SQOR: variants seen among roughly 807,000 people sequenced by gnomAD.
The protein encoded by SQOR is sulfide:quinone oxidoreductase, mitochondrial.
SQOR carries 39 observed loss-of-function variants against 48.6 expected under a neutral mutation model. The ratio of observed to expected loss-of-function variants is 0.80; its 90% confidence interval spans 0.62 to 1.05. SQOR has a LOEUF of 1.05. Among genes scored for constraint, SQOR ranks in the 50% least tolerant of loss-of-function variants. The pLI is 0.00. For missense variants in SQOR, 561 were observed against 559.9 expected, an observed-to-expected ratio of 1.00 and a Z score of -0.02; for synonymous variants, 220 against 206.2, an observed-to-expected ratio of 1.07 and a Z score of -0.57.
intron 1 of SQOR, among the ~76,000 whole-genome samples, chr15:45,643,775 CCTT>C (rs752694427): frequency 2.4e-4 from 36 of 152,182 alleles, no homozygotes; most frequent in Non-Finnish European, 4.4e-4. Flanking sequence ...TTGTTTCTCA[CCTT>C]CTTTTCTGAG....
intron 1 of SQOR, among the ~76,000 whole-genome samples, chr15:45,641,369 G>C (rs1400292623): frequency 6.6e-6 from 1 of 152,166 alleles, no homozygotes; most frequent in South Asian, 2.1e-4. Flanking sequence ...TTTTGCCCCT[G>C]AAGAGTGAGG....
At chr15:45,683,548 A>G (rs1249680499) in intron 7 of SQOR, among the ~76,000 whole-genome samples, 2 of 152,238 alleles carry the variant, frequency 1.3e-5, no homozygotes, top group Admixed American at 6.5e-5. Flanking sequence ...TCTGGATGCT[A>G]TAAAACACAA....
rs182682752 is a variant in SQOR, at chr15:45,658,910, G to C, written c.-14G>C. On this transcript the variant is annotated 5_prime_UTR_variant, in exon 2 of 10. Transcript: ENST00000260324. ...AGCCCTGTCTCTTCCCTTCCAGCCT[G>C]ATCCTGCCTGAAGATGGTGCCACTG... The C allele has an allele frequency of 3.7e-4, 560 of 1,531,864 alleles. 3 individuals are homozygous for C. The African/African-American group carries it at 6.9e-3, about 19-fold the overall frequency. 94.9% of individuals were successfully genotyped at this position (1,531,864 alleles called of 1,614,324 possible).
At chr15:45,677,583 G>A (rs905130299) in intron 6 of SQOR, among the ~76,000 whole-genome samples, 2 of 152,166 alleles carry the variant, frequency 1.3e-5, no homozygotes, top group African/African-American at 2.4e-5. Context: ...CTTCTATGAC[G>A]TTGATATTTT....
chr15:45,670,704 G>A (rs1376461970), intron 4 of SQOR, among the ~76,000 whole-genome samples: 1 of 152,178 alleles, frequency 6.6e-6, no homozygotes, highest in East Asian at 1.9e-4. Flanking sequence ...CAACAGAGTT[G>A]GCCCAGTAAG....
intron 6 of SQOR, among the ~76,000 whole-genome samples, chr15:45,679,039 T>C (rs550615815): frequency 6.6e-6 from 1 of 152,304 alleles, no homozygotes; most frequent in African/African-American, 2.4e-5. Flanking sequence ...GAACTTAACT[T>C]TGTTAGTACT....
chr15:45,659,200 G>T, intron 2 of SQOR, 43 bp downstream of exon 2: 1 of 1,414,552 alleles, frequency 7.1e-7, no homozygotes, highest in East Asian at 2.6e-5. Context: ...GTGTACGTGT[G>T]TGTGTGTGTG....
At chr15:45,633,678 A>G (rs1449311356), upstream of SQOR, among the ~76,000 whole-genome samples, 31 of 139,894 alleles carry the variant, frequency 2.2e-4, 1 homozygote, top group South Asian at 7.4e-3. Context: ...TGGGAGACGG[A>G]GTGAGACTTC....
At chr15:45,687,711 G>A (rs189605673) in intron 7 of SQOR, among the ~76,000 whole-genome samples, 8 of 151,856 alleles carry the variant, frequency 5.3e-5, no homozygotes, top group Admixed American at 2.6e-4. Context: ...AAATCCCGAT[G>A]TATGTATGTA....
intron 1 of SQOR, among the ~76,000 whole-genome samples, chr15:45,656,039 G>T (rs1214372057): frequency 2.0e-5 from 3 of 150,036 alleles, no homozygotes; most frequent in African/African-American, 4.9e-5. Context: ...TTTTGTTGCT[G>T]TTGAGACATA....
intron 3 of SQOR, among the ~76,000 whole-genome samples, chr15:45,667,064 C>G (rs1450307810): frequency 2.1e-5 from 1 of 47,028 alleles, no homozygotes; most frequent in Non-Finnish European, 3.9e-5. Flanking sequence ...CTTCCTTCCT[C>G]TCTCCCTCCC....
intron 1 of SQOR, among the ~76,000 whole-genome samples, chr15:45,636,937 T>C (rs1270831236): frequency 6.6e-6 from 1 of 152,158 alleles, no homozygotes; most frequent in Non-Finnish European, 1.5e-5. Context: ...ATGACTTGGC[T>C]TCTGGGCTTG....
intron 3 of SQOR, among the ~76,000 whole-genome samples, chr15:45,663,728 C>T (rs1889762124): frequency 6.6e-6 from 1 of 151,976 alleles, no homozygotes; most frequent in Non-Finnish European, 1.5e-5. Context: ...GATTGCGCCA[C>T]TGCACTCCGT....
At chr15:45,654,925 C>T (rs1451874825) in intron 1 of SQOR, among the ~76,000 whole-genome samples, 1 of 152,134 alleles carries the variant, frequency 6.6e-6, no homozygotes, top group Non-Finnish European at 1.5e-5. Flanking sequence ...TCTTATTATG[C>T]AAATGAACTT....
intron 3 of SQOR, among the ~76,000 whole-genome samples, chr15:45,667,616 C>G (rs1889856608): frequency 6.6e-6 from 1 of 152,156 alleles, no homozygotes; most frequent in African/African-American, 2.4e-5. Context: ...GGTTTATTCT[C>G]TCTTAATGAT....
In SQOR at chr15:45,650,166, G is replaced by T. The variant is rs193030984; in HGVS notation, c.-17-8741G>T. Among the ~76,000 whole-genome samples, 248 of 152,202 alleles carry T rather than the reference G, an allele frequency of 1.6e-3. 1 individual carries two copies. Among genetic ancestry groups the T allele is most frequent in the Non-Finnish European group, 3.1e-3 (214 of 68,016 alleles). Reference sequence around the variant, plus strand: ...CTTTTTTTTAAGCCTTTGCAATGTGGTCTGGCTCTGTCGCCCAGGCTAGAG... The same window carrying T: ...CTTTTTTTTAAGCCTTTGCAATGTGTTCTGGCTCTGTCGCCCAGGCTAGAG... On this transcript the variant is annotated intron_variant, in intron 1 of 9. Transcript: ENST00000260324.
intron 2 of SQOR, among the ~76,000 whole-genome samples, chr15:45,659,490 A>G (rs1889682388): frequency 6.6e-6 from 1 of 152,164 alleles, no homozygotes; most frequent in Admixed American, 6.5e-5. Flanking sequence ...CCTGAAACCA[A>G]GCTATGGGCA....
chr15:45,676,313 G>C lies in SQOR; in HGVS notation c.864+3G>C, dbSNP rs1481663866. The C allele has an allele frequency of 6.2e-7, 1 of 1,613,828 alleles. No individual in the cohort carries two copies. Among genetic ancestry groups the C allele is most frequent in the Non-Finnish European group, 8.5e-7 (1 of 1,179,850 alleles). On this transcript the variant is annotated splice_donor_region_variant and intron_variant, in intron 6 of 9. Coordinates refer to ENST00000260324, the MANE Select transcript of SQOR (RefSeq NM_021199.4). ...CAGGAGAGACCCAAGTGATTTCAGT[G>C]AGTGGTGAGGCTAAGCTGTCAGCAT...
chr15:45,639,652 C>T (rs994144247), intron 1 of SQOR, among the ~76,000 whole-genome samples: 2 of 152,318 alleles, frequency 1.3e-5, no homozygotes, highest in Admixed American at 6.5e-5. Context: ...TCTAAGGTAG[C>T]CCATGATGTC....
Sources: gnomAD v4.1 joint callset for allele counts (sites outside exome capture counted in the v4.1 genomes callset) on GRCh38, gnomAD v4.1.1 for gene constraint, MANE v1.5 for transcripts, NCBI Gene and HGNC (gene_info 2026-07-23, HGNC 2026-07-21) for gene names.